GPM6A: variants seen among roughly 807,000 people sequenced by gnomAD.
GPM6A encodes glycoprotein M6A.
GPM6A carries 7 observed loss-of-function variants against 32.1 expected under a neutral mutation model. The observed-to-expected ratio is 0.22, with a 90% CI of 0.12 to 0.41. The LOEUF (loss-of-function observed/expected upper bound fraction) is 0.41, where lower values mean the gene tolerates loss of function less well. GPM6A is among the 10% of genes least tolerant of loss of function. The probability of loss-of-function intolerance (pLI) is 1.00; values close to 1 mark genes in which losing one functional copy is unlikely to be tolerated. For synonymous variants in GPM6A, 130 were observed against 123.4 expected, an observed-to-expected ratio of 1.05 and a Z score of -0.35; for missense variants, 235 against 347.2, an observed-to-expected ratio of 0.68 and a Z score of 2.57.
intron 1 of GPM6A, among the ~76,000 whole-genome samples, chr4:175,894,150 G>A (rs1293366197): frequency 2.6e-5 from 4 of 152,032 alleles, no homozygotes; most frequent in Admixed American, 2.0e-4. Context: ...TCTTAAAACT[G>A]AGATGGCAGA....
upstream of GPM6A, chr4:175,813,058 A>G: frequency 1.0e-6 from 1 of 984,384 alleles, no homozygotes; most frequent in South Asian, 4.7e-5. Flanking sequence ...TATTTTACTT[A>G]GTGCCATATG....
intron 1 of GPM6A, among the ~76,000 whole-genome samples, chr4:175,881,743 G>A (rs981326054): frequency 6.6e-6 from 1 of 151,696 alleles, no homozygotes; most frequent in Non-Finnish European, 1.5e-5. Context: ...CTATCACAAG[G>A]ACAAAAAACC....
At chr4:175,996,964 C>G (rs1472597488) in intron 1 of GPM6A, among the ~76,000 whole-genome samples, 2 of 152,022 alleles carry the variant, frequency 1.3e-5, no homozygotes, top group Non-Finnish European at 2.9e-5. Context: ...TTTTTTGGAA[C>G]ATTCATTCTT....
chr4:175,896,532 C>G (rs1579606763), intron 1 of GPM6A, among the ~76,000 whole-genome samples: 2 of 152,282 alleles, frequency 1.3e-5, no homozygotes, highest in South Asian at 2.1e-4. Context: ...TGTCTTCACT[C>G]TACCCCAGTT....
chr4:175,871,627 C>T (rs957962855), intron 1 of GPM6A, among the ~76,000 whole-genome samples: 3 of 152,110 alleles, frequency 2.0e-5, no homozygotes, highest in African/African-American at 7.2e-5. Context: ...TGACACTATC[C>T]CCTATATTCA....
At chr4:175,694,593 C>G (rs1004294546) in intron 2 of GPM6A, among the ~76,000 whole-genome samples, 9 of 152,014 alleles carry the variant, frequency 5.9e-5, no homozygotes, top group African/African-American at 2.2e-4. Context: ...CTGGCTGTTT[C>G]TAACAAGCTT....
intron 1 of GPM6A, among the ~76,000 whole-genome samples, chr4:175,744,838 T>G (rs999919444): frequency 2.0e-5 from 3 of 152,156 alleles, no homozygotes; most frequent in Admixed American, 2.0e-4. Flanking sequence ...GGGTCCAATG[T>G]TCTGATATTA....
At chr4:175,888,803 A>G (rs1737542549) in intron 1 of GPM6A, among the ~76,000 whole-genome samples, 1 of 152,154 alleles carries the variant, frequency 6.6e-6, no homozygotes, top group Admixed American at 6.5e-5. Flanking sequence ...TGAATTCCCA[A>G]AAGGATTCCA....
At chr4:175,931,194 A>G (rs1022529603) in intron 1 of GPM6A, among the ~76,000 whole-genome samples, 15 of 152,086 alleles carry the variant, frequency 9.9e-5, no homozygotes, top group African/African-American at 3.6e-4. Context: ...TCCCATGAAT[A>G]ATAACTATTA....
At chr4:175,659,201 G>C (rs1742260718) in intron 3 of GPM6A, among the ~76,000 whole-genome samples, 1 of 151,656 alleles carries the variant, frequency 6.6e-6, no homozygotes. Context: ...TCTTGCCTCA[G>C]CCTCTAGAGT....
chr4:175,872,123 C>T (rs911562112), intron 1 of GPM6A, among the ~76,000 whole-genome samples: 4 of 152,174 alleles, frequency 2.6e-5, no homozygotes, highest in Non-Finnish European at 5.9e-5. Flanking sequence ...GCCAAGCCAG[C>T]ATTTGAAATC....
intron 1 of GPM6A, among the ~76,000 whole-genome samples, chr4:175,722,233 T>G (rs987542007): frequency 1.3e-5 from 2 of 152,064 alleles, no homozygotes; most frequent in African/African-American, 4.8e-5. Flanking sequence ...AAAGACTGCA[T>G]GAGCTGTGAT....
intron 1 of GPM6A, among the ~76,000 whole-genome samples, chr4:175,720,276 A>C (rs958723666): frequency 2.6e-5 from 4 of 152,206 alleles, no homozygotes; most frequent in Admixed American, 6.5e-5. Flanking sequence ...GGCTCAGCCT[A>C]CATATGAAAA....
chr4:175,831,057 A>C (rs573810973), intron 1 of GPM6A, among the ~76,000 whole-genome samples: 1 of 152,272 alleles, frequency 6.6e-6, no homozygotes, highest in South Asian at 2.1e-4. Flanking sequence ...ATTGGGACTA[A>C]TGTCTATTAT....
intron 1 of GPM6A, among the ~76,000 whole-genome samples, chr4:175,952,822 G>A (rs931597249): frequency 1.3e-5 from 2 of 152,022 alleles, no homozygotes; most frequent in Non-Finnish European, 1.5e-5. Flanking sequence ...GAGATGGGAG[G>A]ATCCCTTGAG....
In GPM6A at chr4:175,734,913, T is replaced by C. The variant is rs151247170; in HGVS notation, c.38-33146A>G. On this transcript the variant is annotated intron_variant, in intron 1 of 6. Transcript: ENST00000393658. The stretch of plus-strand genomic sequence containing the variant: ...AACCTTATTCCTTATTTGAGCCCTT[T>C]TATACCCTTGAGAATGACTTATTTA... Among the ~76,000 whole-genome samples the C allele has an allele frequency of 2.0e-5, 3 of 152,176 alleles. No homozygotes were observed. In the South Asian group the frequency reaches 6.2e-4, roughly 32 times the overall value.
intron 1 of GPM6A, among the ~76,000 whole-genome samples, chr4:175,757,081 T>C (rs1394678124): frequency 6.6e-6 from 1 of 151,990 alleles, no homozygotes; most frequent in African/African-American, 2.4e-5. Context: ...TCCTCCAGCA[T>C]TGCATTAGGT....
At chr4:175,766,042 T>C (rs1343412118) in intron 1 of GPM6A, among the ~76,000 whole-genome samples, 1 of 152,226 alleles carries the variant, frequency 6.6e-6, no homozygotes, top group Non-Finnish European at 1.5e-5. Flanking sequence ...AATTTGATTC[T>C]TTATGATTCA....
intron 1 of GPM6A, among the ~76,000 whole-genome samples, chr4:175,839,281 C>T (rs377291467): frequency 3.9e-5 from 6 of 152,210 alleles, no homozygotes; most frequent in East Asian, 1.9e-4. Flanking sequence ...AAAACATGAA[C>T]GAATTCCTTT....
Sources: allele counts gnomAD v4.1 joint callset (sites outside exome capture counted in the v4.1 genomes callset), GRCh38; gene constraint gnomAD v4.1.1; transcripts MANE v1.5; gene names NCBI Gene and HGNC (gene_info 2026-07-23, HGNC 2026-07-21).